The following CNTN5 variants were observed in gnomAD, a reference collection of about 807,000 sequenced individuals.
CNTN5 encodes the protein contactin-5.
Under a neutral mutation model 129.1 loss-of-function variants are expected in CNTN5, and 77 were observed. The ratio of observed to expected loss-of-function variants is 0.60; its 90% CI spans 0.50 to 0.72. The LOEUF is 0.72. Ranked by LOEUF, CNTN5 falls within the 30% of genes least tolerant of loss-of-function variation. The pLI is 0.00. For synonymous variants in CNTN5, 509 were observed against 465.6 expected, an observed-to-expected ratio of 1.09 and a Z score of -1.20; for missense variants, 1,478 against 1,328.8, an observed-to-expected ratio of 1.11 and a Z score of -1.75.
intron 8 of CNTN5, among the ~76,000 whole-genome samples, chr11:99,960,140 T>C (rs1950904196): frequency 6.6e-6 from 1 of 152,222 alleles, no homozygotes; most frequent in African/African-American, 2.4e-5. Flanking sequence ...GCTTAAACAA[T>C]AACTGTTTAT....
chr11:99,584,738 G>T (rs943366349), intron 3 of CNTN5, among the ~76,000 whole-genome samples: 3 of 152,204 alleles, frequency 2.0e-5, no homozygotes, highest in African/African-American at 7.2e-5. Flanking sequence ...TCAGGGAAAA[G>T]CATTCTGCTT....
chr11:99,711,646 G>A (rs1321721189), intron 3 of CNTN5, among the ~76,000 whole-genome samples: 2 of 151,744 alleles, frequency 1.3e-5, no homozygotes, highest in East Asian at 3.9e-4. Context: ...CCCACCCCTT[G>A]ACAGGTGCTG....
chr11:100,324,549 T>G (rs1413477824), intron 21 of CNTN5, among the ~76,000 whole-genome samples: 2 of 152,184 alleles, frequency 1.3e-5, no homozygotes, highest in African/African-American at 4.8e-5. Flanking sequence ...ACATCAGTTA[T>G]AATTAAATGC....
At chr11:99,739,050 A>G (rs545712543) in intron 3 of CNTN5, among the ~76,000 whole-genome samples, 1 of 152,280 alleles carries the variant, frequency 6.6e-6, no homozygotes, top group South Asian at 2.1e-4. Context: ...TCTGGGGCCT[A>G]GTACCCTTCT....
At position 99,673,764 on chromosome 11, in the gene CNTN5, GAA is replaced by G. The variant is rs56183704; in HGVS notation, c.55+117506_55+117507del. On this transcript the variant is annotated intron_variant, in intron 3 of 24. Transcript: ENST00000524871. The stretch of plus-strand genomic sequence containing the variant: ...TTCCAGCTCCACCTGTGTCCCTGCA[GAA>G]AAAAAAAAAAGATCTCATCCTTTTT... Among the ~76,000 whole-genome samples, 341 of 148,234 alleles carry G rather than the reference GAA, an allele frequency of 2.3e-3. 2 individuals are homozygous for G. Among genetic ancestry groups the G allele is most frequent in the African/African-American group, 7.3e-3 (295 of 40,516 alleles).
chr11:99,923,497 T>C (rs929197190), intron 7 of CNTN5, among the ~76,000 whole-genome samples: 1 of 152,326 alleles, frequency 6.6e-6, no homozygotes, highest in African/African-American at 2.4e-5. Context: ...ATAAGTCATT[T>C]ATTACTATTT....
At position 100,299,829 on chromosome 11, in the gene CNTN5, A is replaced by G. The variant is rs186917652; in HGVS notation, c.2620+433A>G. Among the ~76,000 whole-genome samples the G allele has an allele frequency of 2.6e-3, 388 of 151,624 alleles. 5 individuals are homozygous for G. The highest frequency in any genetic ancestry group is 0.021 in the Admixed American group (324 of 15,192). ...TCTAACCCTATGCATAAAGCACTGT[A>G]CTAATAAGGAAGTTTCAGACAGGGC... On this transcript the variant is annotated intron_variant, in intron 20 of 24. Coordinates refer to ENST00000524871, the MANE Select transcript of CNTN5 (RefSeq NM_014361.4).
At chr11:99,895,240 T>G (rs1300194423) in intron 6 of CNTN5, among the ~76,000 whole-genome samples, 3 of 152,238 alleles carry the variant, frequency 2.0e-5, no homozygotes, top group African/African-American at 7.2e-5. Context: ...GATAAATGTC[T>G]GCTAGACCTG....
intron 1 of CNTN5, among the ~76,000 whole-genome samples, chr11:99,061,328 G>T (rs1017842372): frequency 1.3e-5 from 2 of 152,116 alleles, no homozygotes; most frequent in Non-Finnish European, 1.5e-5. Context: ...AGTGTGTGGG[G>T]AGAGGGACAG....
At chr11:99,972,495 A>T (rs1308214885) in intron 8 of CNTN5, among the ~76,000 whole-genome samples, 1 of 152,170 alleles carries the variant, frequency 6.6e-6, no homozygotes, top group Non-Finnish European at 1.5e-5. Context: ...AGTACTAGGA[A>T]TAGTTAAATC....
intron 21 of CNTN5, among the ~76,000 whole-genome samples, chr11:100,320,830 G>A (rs1233294909): frequency 6.6e-6 from 1 of 151,970 alleles, no homozygotes; most frequent in Non-Finnish European, 1.5e-5. Context: ...TCCCCATTGT[G>A]TGTTCTTGGC....
chr11:99,072,608 C>T (rs12419108), intron 1 of CNTN5, among the ~76,000 whole-genome samples: 4,090 of 152,148 alleles, frequency 0.027, 86 homozygotes, highest in East Asian at 0.06. Flanking sequence ...AGTTCTTCCT[C>T]ACCTAGAGGT....
chr11:99,108,489 G>A (rs187805866), intron 1 of CNTN5, among the ~76,000 whole-genome samples: 21 of 152,196 alleles, frequency 1.4e-4, no homozygotes, highest in African/African-American at 4.3e-4. Context: ...TATTGGGGGC[G>A]TTACTGGAAG....
chr11:99,227,839 G>A (rs960714618), intron 1 of CNTN5, among the ~76,000 whole-genome samples: 1 of 152,026 alleles, frequency 6.6e-6, no homozygotes, highest in Admixed American at 6.6e-5. Context: ...ATGTTTTATT[G>A]TCTTTTTTAT....
At chr11:99,945,613 A>T (rs898498633) in intron 7 of CNTN5, among the ~76,000 whole-genome samples, 1 of 151,858 alleles carries the variant, frequency 6.6e-6, no homozygotes, top group African/African-American at 2.4e-5. Context: ...TTTCCCACAA[A>T]ATCCTACCCG....
At chr11:99,784,193 G>A (rs1252049551) in intron 3 of CNTN5, among the ~76,000 whole-genome samples, 2 of 151,994 alleles carry the variant, frequency 1.3e-5, no homozygotes, top group Non-Finnish European at 2.9e-5. Context: ...TGTGCAGAAT[G>A]CGCAGGTTTG....
chr11:99,035,479 G>T (rs1393949629), intron 1 of CNTN5, among the ~76,000 whole-genome samples: 1 of 151,786 alleles, frequency 6.6e-6, no homozygotes, highest in Non-Finnish European at 1.5e-5. Flanking sequence ...ATATATTTAG[G>T]ATGGTTAGCT....
intron 2 of CNTN5, among the ~76,000 whole-genome samples, chr11:99,345,875 A>G (rs1022905498): frequency 7.2e-5 from 11 of 152,196 alleles, no homozygotes; most frequent in Admixed American, 5.9e-4. Context: ...TCCCAAAGGT[A>G]AGAGTAAGTA....
chr11:100,191,095 G>GGA lies in CNTN5; in HGVS notation c.1581-31_1581-30insGA, dbSNP rs5794042. On this transcript the variant is annotated intron_variant, in intron 13 of 24. Coordinates refer to ENST00000524871, the MANE Select transcript of CNTN5 (RefSeq NM_014361.4). The stretch of plus-strand genomic sequence containing the variant: ...CTATTTAGCTGATTGCAGTAAAACA[G>GGA]AAAAAAAAACTGTTTTTAAATAATT... 1.8e-5 allele frequency: 27 copies of GGA among 1,474,262 alleles called. No individual in the cohort carries two copies. The East Asian group carries it at 6.3e-4, about 34-fold the overall frequency. The allele number at this position is 1,474,262 out of a possible 1,614,324, so 91.3% of individuals were successfully genotyped here.
Sources: gnomAD v4.1 joint callset for allele counts (sites outside exome capture counted in the v4.1 genomes callset) on GRCh38, gnomAD v4.1.1 for gene constraint, MANE v1.5 for transcripts, NCBI Gene and HGNC (gene_info 2026-07-23, HGNC 2026-07-21) for gene names.